The following ADAM12 variants were observed in gnomAD, a reference collection of about 807,000 sequenced individuals.
ADAM12 encodes disintegrin and metalloproteinase domain-containing protein 12.
In ADAM12, 70 loss-of-function variants were observed where a neutral mutation model predicts 106.4. The observed-to-expected ratio is 0.66, with a 90% CI of 0.54 to 0.80. ADAM12 has a LOEUF of 0.80. ADAM12 is among the 30% of genes least tolerant of loss of function. The pLI is 0.00. For synonymous variants in ADAM12, 420 were observed against 433.5 expected (o/e 0.97, Z 0.39); for missense variants, 1,010 against 1,171.9 (o/e 0.86, Z 2.02).
Position 126,047,893 on chromosome 10 carries a change from A to T in ADAM12, c.1917+1360T>A, listed in dbSNP as rs73374574. On this transcript the variant is annotated intron_variant, in intron 16 of 22. Coordinates refer to ENST00000448723, the MANE Select transcript of ADAM12 (RefSeq NM_001288973.2). ...AATAGCAAAGACATGGACTCAAACT[A>T]AACGTCCATCAATGATAGACTGGAT... Among the ~76,000 whole-genome samples the T allele has an allele frequency of 4.9e-3, 746 of 152,368 alleles. 7 individuals are homozygous for T. Among genetic ancestry groups the T allele is most frequent in the African/African-American group, 0.017 (712 of 41,594 alleles).
chr10:126,186,950 C>A (rs933358860), intron 3 of ADAM12, among the ~76,000 whole-genome samples: 4 of 152,154 alleles, frequency 2.6e-5, no homozygotes, highest in Non-Finnish European at 5.9e-5. Context: ...TCATCATGAG[C>A]AAATATGCTT....
In ADAM12 at chr10:126,042,257, C is replaced by G. The variant is rs368648129; in HGVS notation, c.2104+783G>C. 1,750 of 1,611,604 alleles carry G rather than the reference C, an allele frequency of 1.1e-3. 17 individuals are homozygous for G. The South Asian group carries it at 0.012, about 11-fold the overall frequency. The stretch of plus-strand genomic sequence containing the variant: ...GCTTCTTTCCCTCGAAAAGAGGCAT[C>G]ATTTAGACTTGCCCCTGAATTGCCC... On this transcript the variant is annotated intron_variant, in intron 18 of 22. Transcript: ENST00000448723.
Position 126,284,009 on chromosome 10 carries a change from A to G in ADAM12, c.187-5021T>C, listed in dbSNP as rs568576011. Among the ~76,000 whole-genome samples, 5 of 152,292 alleles carry G rather than the reference A, an allele frequency of 3.3e-5. No homozygotes were observed. The South Asian group carries it at 8.3e-4, about 25-fold the overall frequency. On this transcript the variant is annotated intron_variant, in intron 2 of 22. Coordinates refer to ENST00000448723, the MANE Select transcript of ADAM12 (RefSeq NM_001288973.2). ...CTCTACTTTAGAGAAAATGTGATTA[A>G]CCAATTGTTCCAGCACCATTTGTTA...
intron 18 of ADAM12, among the ~76,000 whole-genome samples, chr10:126,040,683 C>T (rs1002309567): frequency 6.6e-6 from 1 of 152,154 alleles, no homozygotes; most frequent in Non-Finnish European, 1.5e-5. Context: ...AGCTAGAGTT[C>T]TGGTGTCTCA....
chr10:126,018,895 C>T (rs1319566794), intron 22 of ADAM12, among the ~76,000 whole-genome samples: 1 of 152,182 alleles, frequency 6.6e-6, no homozygotes, highest in Non-Finnish European at 1.5e-5. Context: ...CGTATGCCTC[C>T]AACCCGACTA....
At chr10:126,298,747 A>G (rs569144792) in intron 2 of ADAM12, among the ~76,000 whole-genome samples, 86 of 152,332 alleles carry the variant, frequency 5.6e-4, no homozygotes, top group African/African-American at 1.9e-3. Flanking sequence ...CATTGCTGAA[A>G]AACAGAGACA....
chr10:126,318,659 C>G (rs898665543), intron 2 of ADAM12, among the ~76,000 whole-genome samples: 8 of 152,108 alleles, frequency 5.3e-5, no homozygotes, highest in African/African-American at 1.9e-4. Flanking sequence ...GTGAAAAGAA[C>G]TCTCAATAGC....
intron 3 of ADAM12, among the ~76,000 whole-genome samples, chr10:126,189,910 C>T (rs1957466509): frequency 1.3e-5 from 2 of 152,174 alleles, no homozygotes; most frequent in South Asian, 2.1e-4. Context: ...TGCAGCAGCT[C>T]ATTTCACTCT....
intron 6 of ADAM12, among the ~76,000 whole-genome samples, chr10:126,117,833 T>C (rs1320097110): frequency 2.0e-5 from 3 of 151,858 alleles, no homozygotes; most frequent in Non-Finnish European, 2.9e-5. Flanking sequence ...AGTCTGAGAC[T>C]GACATCTGCA....
rs112426026 is a variant in ADAM12 at position 126,332,800 on chromosome 10, G to A, written c.89-2291C>T. Among the ~76,000 whole-genome samples the A allele has an allele frequency of 8.2e-3, 1,251 of 152,284 alleles. 23 individuals carry two copies. Among genetic ancestry groups the A allele is most frequent in the African/African-American group, 0.029 (1,192 of 41,542 alleles). On this transcript the variant is annotated intron_variant, in intron 1 of 22. Transcript: ENST00000448723. ...GAGGGACGCATCGGCCGGTTTCAAC[G>A]GCACTGTTCTCGAAGCTTTGCCAAG...
intron 9 of ADAM12, among the ~76,000 whole-genome samples, chr10:126,100,199 G>C (rs1955635219): frequency 6.6e-6 from 1 of 152,018 alleles, no homozygotes; most frequent in Non-Finnish European, 1.5e-5. Flanking sequence ...GTTCCTAACG[G>C]GTGATGCATA....
intron 3 of ADAM12, among the ~76,000 whole-genome samples, chr10:126,165,142 T>C (rs1202874802): frequency 6.6e-6 from 1 of 152,152 alleles, no homozygotes; most frequent in Non-Finnish European, 1.5e-5. Context: ...TGTTCATTGT[T>C]TGCTCACAGG....
intron 3 of ADAM12, among the ~76,000 whole-genome samples, chr10:126,273,599 G>C (rs1437091648): frequency 6.6e-6 from 1 of 152,134 alleles, no homozygotes. Flanking sequence ...GAACCCTACA[G>C]CAGCTGGATC....
intron 2 of ADAM12, among the ~76,000 whole-genome samples, chr10:126,295,923 A>ACG (rs1280272422): frequency 6.6e-6 from 1 of 151,264 alleles, no homozygotes; most frequent in Non-Finnish European, 1.5e-5. Flanking sequence ...ACACACACAC[A>ACG]CACACATAAA....
At chr10:126,175,736 A>G (rs1957208907) in intron 3 of ADAM12, among the ~76,000 whole-genome samples, 1 of 152,204 alleles carries the variant, frequency 6.6e-6, no homozygotes, top group African/African-American at 2.4e-5. Flanking sequence ...GTTCCATCGG[A>G]ATGCCCAGAA....
intron 11 of ADAM12, among the ~76,000 whole-genome samples, chr10:126,082,242 T>C (rs886348311): frequency 3.3e-5 from 5 of 152,152 alleles, no homozygotes; most frequent in African/African-American, 1.2e-4. Flanking sequence ...TCATGTCACA[T>C]GAGCTCACCC....
intron 5 of ADAM12, among the ~76,000 whole-genome samples, chr10:126,126,142 C>T (rs1956202754): frequency 6.6e-6 from 1 of 152,302 alleles, no homozygotes; most frequent in East Asian, 1.9e-4. Context: ...CAATCAGCAG[C>T]AGAGCCAAGA....
Position 126,094,234 on chromosome 10 carries a change from A to G in ADAM12, c.997-101T>C, listed in dbSNP as rs907887779. 1.9e-5 allele frequency: 22 copies of G among 1,175,646 alleles called. No individual in the cohort carries two copies. The African/African-American group carries it at 3.4e-4, about 18-fold the overall frequency. The allele number at this position is 1,175,646 out of a possible 1,614,324, so 72.8% of individuals were successfully genotyped here. On this transcript the variant is annotated intron_variant, in intron 10 of 22. Coordinates refer to ENST00000448723, the MANE Select transcript of ADAM12 (RefSeq NM_001288973.2). ...GAAATATACCTTTCATTAACATTTG[A>G]CTTAATGTAATTCCTTATAAGGGAC...
intron 21 of ADAM12, among the ~76,000 whole-genome samples, chr10:126,033,378 A>ACATTT (rs1211399106): frequency 6.6e-6 from 1 of 152,238 alleles, no homozygotes; most frequent in Non-Finnish European, 1.5e-5. Context: ...TGGAATAAGT[A>ACATTT]CATTTCACCC....
Sources: gnomAD v4.1 joint callset for allele counts (sites outside exome capture counted in the v4.1 genomes callset) on GRCh38, gnomAD v4.1.1 for gene constraint, MANE v1.5 for transcripts, NCBI Gene and HGNC (gene_info 2026-07-23, HGNC 2026-07-21) for gene names.